Variants in GPATCH8 observed in about 807,000 individuals in gnomAD.
The protein encoded by GPATCH8 is G patch domain-containing protein 8.
A neutral mutation model predicts 118.3 loss-of-function variants in GPATCH8; 18 were observed. That is an observed-to-expected ratio of 0.15 (90% CI 0.11 to 0.23). The LOEUF is 0.23. Among genes scored for constraint, GPATCH8 ranks in the 10% least tolerant of loss-of-function variants. The pLI is 1.00. For synonymous variants in GPATCH8, 659 were observed against 684.7 expected (o/e 0.96, Z 0.59); for missense variants, 1,631 against 1,873.8 (o/e 0.87, Z 2.39).
chr17:44,447,770 G>C (rs2144143408), intron 3 of GPATCH8, among the ~76,000 whole-genome samples: 1 of 152,178 alleles, frequency 6.6e-6, no homozygotes, highest in Non-Finnish European at 1.5e-5. Context: ...AGGGCTACAG[G>C]CATAAGCCAT....
rs146565714 is a variant in GPATCH8 at position 44,422,494 on chromosome 17, A to G, written c.492+1855T>C. ...TGCGAGCCACCGTGCCTAGCCTAAA[A>G]TTTTTTTTTTTTTGAGACGGAGTCT... On this transcript the variant is annotated intron_variant, in intron 6 of 7. Transcript: ENST00000591680. Among the ~76,000 whole-genome samples, 699 of 141,482 alleles carry G rather than the reference A, an allele frequency of 4.9e-3. 17 individuals carry two copies. The highest frequency in any genetic ancestry group is 0.042 in the East Asian group (203 of 4,810). The allele number at this position is 141,482 out of a possible 152,430, so 92.8% of individuals were successfully genotyped here.
At chr17:44,439,326 C>T (rs561595852) in intron 3 of GPATCH8, among the ~76,000 whole-genome samples, 12 of 152,158 alleles carry the variant, frequency 7.9e-5, no homozygotes, top group East Asian at 5.8e-4. Context: ...TCCTGTTAAC[C>T]GAGACTTCCC....
At chr17:44,422,352 T>C (rs1447055054) in intron 6 of GPATCH8, among the ~76,000 whole-genome samples, 1 of 152,080 alleles carries the variant, frequency 6.6e-6, no homozygotes, top group Non-Finnish European at 1.5e-5. Context: ...GCTAATTACA[T>C]TTTTTGTAAT....
At chr17:44,491,872 CAATA>C (rs1969274264) in intron 1 of GPATCH8, among the ~76,000 whole-genome samples, 1 of 151,840 alleles carries the variant, frequency 6.6e-6, no homozygotes, top group Admixed American at 6.6e-5. Flanking sequence ...AATCCTGTCT[CAATA>C]AATAAATGTA....
rs201098137 is a variant in GPATCH8 at position 44,399,891 on chromosome 17, C to T, written c.2186G>A (p.Arg729Gln). Residue 729 changes from arginine to glutamine, a missense_variant, in exon 8 of 8, where the codon CGA becomes CAA. Around this residue, in one of 8 missense-constraint regions of GPATCH8, gnomAD observed 922 missense variants for 879.7 expected, o/e 1.05. Coordinates refer to ENST00000591680, the MANE Select transcript of GPATCH8 (RefSeq NM_001002909.4). Reference sequence around the variant, plus strand: ...CCCAGGGGGTTCTGGTTTGGGTCCTCGTTCAGAATCTGCTGGGGCTGATGA... The same window carrying T: ...CCCAGGGGGTTCTGGTTTGGGTCCTTGTTCAGAATCTGCTGGGGCTGATGA... ...NKSSAPADSE[R>Q]GPKPEPPGSG... The T allele has an allele frequency of 3.9e-5, 63 of 1,613,814 alleles. No homozygotes were observed. The highest frequency in any genetic ancestry group is 6.7e-5 in the Admixed American group (4 of 59,970).
intron 1 of GPATCH8, among the ~76,000 whole-genome samples, chr17:44,476,728 C>T (rs1967812253): frequency 6.6e-6 from 1 of 152,112 alleles, no homozygotes. Flanking sequence ...AACTATTCCT[C>T]AAGATGATCT....
At position 44,395,590 on chromosome 17, in the gene GPATCH8, T is replaced by C. The variant is rs2143536301; in HGVS notation, c.*1978A>G. 2.2e-6 allele frequency: 1 copy of C among 454,318 alleles called. No homozygotes were observed. The highest frequency in any genetic ancestry group is 4.4e-6 in the Non-Finnish European group (1 of 226,798). The allele number at this position is 454,318 out of a possible 1,614,324, so 28.1% of individuals were successfully genotyped here. The stretch of plus-strand genomic sequence containing the variant: ...CCCTTCACTTACACAGATGATTTCA[T>C]TTTTCCAGTGCTAGTTATCCAAGAA... On this transcript the variant is annotated 3_prime_UTR_variant, in exon 8 of 8. Coordinates refer to ENST00000591680, the MANE Select transcript of GPATCH8 (RefSeq NM_001002909.4).
chr17:44,402,674 T>C (rs557153838), intron 7 of GPATCH8, among the ~76,000 whole-genome samples: 16 of 152,286 alleles, frequency 1.1e-4, no homozygotes, highest in African/African-American at 2.4e-4. Context: ...TTTTAAAAAT[T>C]TGCATATTCT....
At position 44,437,945 on chromosome 17, in the gene GPATCH8, G is replaced by GAAA. The variant is rs752307910; in HGVS notation, c.194-1403_194-1401dup. Among the ~76,000 whole-genome samples, 46 of 63,556 alleles carry GAAA rather than the reference G, an allele frequency of 7.2e-4. 1 individual carries two copies. The highest frequency in any genetic ancestry group is 1.8e-3 in the African/African-American group (38 of 21,428). 41.7% of individuals were successfully genotyped at this position (63,556 alleles called of 152,430 possible). ...AACTGTTAAAGAACATCTCATGTCA[G>GAAA]AAAAAAAAAAAAAACAAAACAACAA... On this transcript the variant is annotated intron_variant, in intron 3 of 7. Transcript: ENST00000591680.
intron 2 of GPATCH8, chr17:44,474,618 T>C (rs1314991136): frequency 2.6e-5 from 17 of 653,164 alleles, no homozygotes; most frequent in Non-Finnish European, 4.4e-5. Flanking sequence ...GAAATTCTAA[T>C]GTGTTTCTAG....
At chr17:44,495,079 A>C (rs559003611) in intron 1 of GPATCH8, among the ~76,000 whole-genome samples, 7 of 152,282 alleles carry the variant, frequency 4.6e-5, no homozygotes, top group Admixed American at 4.6e-4. Flanking sequence ...TCACACCTGT[A>C]ATCCCAGCAC....
At chr17:44,453,124 A>T (rs1011174124) in intron 3 of GPATCH8, among the ~76,000 whole-genome samples, 1 of 152,058 alleles carries the variant, frequency 6.6e-6, no homozygotes, top group African/African-American at 2.4e-5. Context: ...GAGCCACCAC[A>T]CCCGGCCTTC....
In GPATCH8 at chr17:44,399,841, T is replaced by C. The variant is rs1318516421; in HGVS notation, c.2236A>G (p.Arg746Gly). ...PGSGSPAPPR[R>G]RRRAQDDSQR... is the part of the protein sequence containing the mutation. ...GAGTCATCTTGAGCTCTCCGCCTTC[T>C]TCTTGGTGGTGCGGGACTGCCACTC... Residue 746 changes from arginine to glycine, a missense_variant, in exon 8 of 8, where the codon AGA (arginine) becomes GGA (glycine). Arg to Gly is a moderately radical substitution (Grantham distance 125). Transcript: ENST00000591680. The C allele has an allele frequency of 6.2e-7, 1 of 1,613,702 alleles. No individual in the cohort carries two copies. Among genetic ancestry groups the C allele is most frequent in the Non-Finnish European group, 8.5e-7 (1 of 1,179,946 alleles).
At position 44,398,366 on chromosome 17, in the gene GPATCH8, T is replaced by C. The variant is rs764094874; in HGVS notation, c.3711A>G (p.Pro1237=). 2 of 1,613,930 alleles carry C rather than the reference T, an allele frequency of 1.2e-6. No homozygotes were observed. Among genetic ancestry groups the C allele is most frequent in the African/African-American group, 1.3e-5 (1 of 74,912 alleles). Residue 1237 remains proline, a synonymous_variant, in exon 8 of 8, where the codon CCA becomes CCG. Transcript: ENST00000591680. ...PAHSDCYPGD[P]TISHNYLPDP... is the part of the protein sequence containing the mutation. Reference sequence around the variant, plus strand: ...CGGGGAGGTAGTTATGGGAGATGGTTGGGTCCCCAGGGTAGCAGTCAGAAT... The same window carrying C: ...CGGGGAGGTAGTTATGGGAGATGGTCGGGTCCCCAGGGTAGCAGTCAGAAT...
intron 3 of GPATCH8, among the ~76,000 whole-genome samples, chr17:44,443,198 A>T (rs1342360362): frequency 1.3e-5 from 2 of 152,246 alleles, no homozygotes; most frequent in Non-Finnish European, 2.9e-5. Flanking sequence ...GAAAATCAAG[A>T]TAAAAAAAAT....
chr17:44,455,430 G>A (rs930897173), intron 3 of GPATCH8, among the ~76,000 whole-genome samples: 6 of 151,854 alleles, frequency 4.0e-5, no homozygotes, highest in African/African-American at 1.2e-4. Context: ...GAACCAGGAG[G>A]TAGAGGTTGC....
intron 3 of GPATCH8, among the ~76,000 whole-genome samples, chr17:44,458,067 C>T (rs988919938): frequency 6.8e-6 from 1 of 146,156 alleles, no homozygotes; most frequent in African/African-American, 2.5e-5. Flanking sequence ...CCAGCCTGGG[C>T]GATGGAGCGA....
intron 2 of GPATCH8, 183 bp from the exon 3 acceptor site, chr17:44,464,727 G>A: frequency 1.7e-6 from 1 of 600,964 alleles, no homozygotes; most frequent in Non-Finnish European, 3.0e-6. Context: ...AAGCTGGCTA[G>A]TATTTTACAT....
At chr17:44,432,399 A>T (rs548279139) in intron 5 of GPATCH8, among the ~76,000 whole-genome samples, 42 of 152,314 alleles carry the variant, frequency 2.8e-4, no homozygotes, top group Non-Finnish European at 4.4e-5. Flanking sequence ...AGTTAAGGAA[A>T]GATGAAGGCT....
Sources: gnomAD v4.1 joint callset for allele counts (sites outside exome capture counted in the v4.1 genomes callset) on GRCh38, gnomAD v4.1.1 for gene constraint, gnomAD v4.1.1 regional missense constraint, MANE v1.5 for transcripts, NCBI Gene and HGNC (gene_info 2026-07-23, HGNC 2026-07-21) for gene names.